Variants in ACBD5 observed in about 807,000 individuals in gnomAD.
ACBD5 encodes the protein acyl-CoA binding domain containing 5, also known as acyl-CoA-binding domain-containing protein 5.
ACBD5 carries 40 observed loss-of-function variants against 71.8 expected under a neutral mutation model. The ratio of observed to expected loss-of-function variants is 0.56; its 90% CI spans 0.43 to 0.72. The LOEUF is 0.72. Among genes scored for constraint, ACBD5 ranks in the 30% least tolerant of loss-of-function variants. ACBD5 has a pLI of 0.00. For synonymous variants in ACBD5, 229 were observed against 218.6 expected, an observed-to-expected ratio of 1.05 and a Z score of -0.42; for missense variants, 559 against 644.5, an observed-to-expected ratio of 0.87 and a Z score of 1.44.
chr10:27,197,329 T>C lies in ACBD5; in HGVS notation c.*101A>G. ...TAAACTACTGGACAACAAAAAGCAA[T>C]GTAATCATCACAAACTAAGATTTTC... On this transcript the variant is annotated 3_prime_UTR_variant, in exon 13 of 13. Coordinates refer to ENST00000396271, the MANE Select transcript of ACBD5 (RefSeq NM_145698.5). 4 of 1,129,500 alleles carry C rather than the reference T, an allele frequency of 3.5e-6. No individual in the cohort carries two copies. The highest frequency in any genetic ancestry group is 1.9e-4 in the Middle Eastern group (1 of 5,164). The allele number at this position is 1,129,500 out of a possible 1,614,324, so 70.0% of individuals were successfully genotyped here. A position where few individuals can be genotyped will look rare whatever the true frequency, so the allele number is the denominator to read the frequency against.
intron 4 of ACBD5, among the ~76,000 whole-genome samples, chr10:27,225,078 T>TTTCC (rs1554852665): frequency 8.3e-5 from 1 of 12,064 alleles, no homozygotes; most frequent in Non-Finnish European, 2.0e-4. Context: ...GCTCTCTTTC[T>TTTCC]TTTTTTTTTT....
In ACBD5 at chr10:27,218,076, C is replaced by A. The variant is rs772202583; in HGVS notation, c.733G>T (p.Ala245Ser). 3 of 1,614,130 alleles carry A rather than the reference C, an allele frequency of 1.9e-6. No homozygotes were observed. The highest frequency in any genetic ancestry group is 2.2e-5 in the South Asian group (2 of 91,086). The change falls in exon 7 of 13, where the codon GCC becomes TCC. Residue 245 changes from alanine (A) to serine (S), a missense_variant. Ala to Ser is a moderately conservative substitution (Grantham distance 99). Coordinates refer to ENST00000396271, the MANE Select transcript of ACBD5 (RefSeq NM_145698.5). ...FVQDIQNDIH[A>S]SSSLNGRSTE... ...CTTCTGCCATTCAGGGAAGAACTGG[C>A]ATGAATGTCATTCTGTATATCCTGA...
intron 4 of ACBD5, among the ~76,000 whole-genome samples, 153 bp downstream of exon 4, chr10:27,231,595 T>C (rs1002563711): frequency 3.9e-5 from 6 of 152,346 alleles, no homozygotes; most frequent in African/African-American, 1.2e-4. Flanking sequence ...TGAACTTTAA[T>C]GAAGCAGAAA....
downstream of ACBD5, among the ~76,000 whole-genome samples, chr10:27,194,639 T>TAAG (rs1320446753): frequency 8.2e-3 from 1,216 of 147,890 alleles, 18 homozygotes; most frequent in African/African-American, 0.029. Flanking sequence ...ATAATAATAA[T>TAAG]AATAATAATA....
In ACBD5 at chr10:27,240,739, C is replaced by T. The variant is rs1419277968; in HGVS notation, c.-51G>A. 1 of 1,550,180 alleles carries T rather than the reference C, an allele frequency of 6.5e-7. No individual in the cohort carries two copies. Among genetic ancestry groups the T allele is most frequent in the Non-Finnish European group, 8.7e-7 (1 of 1,146,900 alleles). On this transcript the variant is annotated 5_prime_UTR_variant, in exon 1 of 13. Transcript: ENST00000396271. The surrounding 1 kb of genome is among the most constrained non-coding windows in gnomAD (Gnocchi z 4.1). Reference sequence around the variant, plus strand: ...GGGCATCGGTGGCCGCGGAGCCGCTCTCCCACCCTGGGGACCCTGGCGGAG... The same window carrying T: ...GGGCATCGGTGGCCGCGGAGCCGCTTTCCCACCCTGGGGACCCTGGCGGAG...
At chr10:27,231,385 T>A (rs953648639) in intron 4 of ACBD5, among the ~76,000 whole-genome samples, 1 of 152,114 alleles carries the variant, frequency 6.6e-6, no homozygotes, top group Non-Finnish European at 1.5e-5. Context: ...GGTGTAGTGG[T>A]GTGCACCTGT....
At chr10:27,191,813 G>A (rs1267147595), downstream of ACBD5, among the ~76,000 whole-genome samples, 11 of 152,046 alleles carry the variant, frequency 7.2e-5, no homozygotes, top group African/African-American at 1.9e-4. Context: ...ACTTGAACCC[G>A]GGAGGCAGAG....
At chr10:27,189,630 G>A (rs540155323) in intron 13 of ACBD5, among the ~76,000 whole-genome samples, 2 of 137,800 alleles carry the variant, frequency 1.5e-5, no homozygotes, top group African/African-American at 2.7e-5. Context: ...TGTGGGGTGG[G>A]GGGGAGGGAT....
chr10:27,223,614 A>G (rs2062639943), intron 4 of ACBD5, among the ~76,000 whole-genome samples, 162 bp from the exon 5 acceptor site: 1 of 152,204 alleles, frequency 6.6e-6, no homozygotes, highest in Non-Finnish European at 1.5e-5. Flanking sequence ...TAATGTATAC[A>G]CACTGTGGCC....
intron 12 of ACBD5, among the ~76,000 whole-genome samples, chr10:27,200,647 TAG>T (rs1444363681): frequency 2.0e-5 from 3 of 152,016 alleles, no homozygotes; most frequent in African/African-American, 7.2e-5. Flanking sequence ...TTAGTAGAGA[TAG>T]AGTTTCACCA....
rs1274284771 is a variant in ACBD5 at position 27,240,494 on chromosome 10, G to A, written c.16-10C>T. 2.5e-6 allele frequency: 4 copies of A among 1,599,742 alleles called. No homozygotes were observed. The highest frequency in any genetic ancestry group is 2.3e-5 in the East Asian group (1 of 44,338). On this transcript the variant is annotated splice_polypyrimidine_tract_variant and intron_variant, in intron 1 of 12. Transcript: ENST00000396271. The surrounding 1 kb of genome is among the most constrained non-coding windows in gnomAD (Gnocchi z 4.1). The stretch of plus-strand genomic sequence containing the variant: ...AAGAGCCTGCATGAAACTGGAACAT[G>A]GAGCGCAGCCGCGGATCAACATGCC...
chr10:27,213,811 T>C (rs1448118370), intron 8 of ACBD5, among the ~76,000 whole-genome samples: 1 of 151,720 alleles, frequency 6.6e-6, no homozygotes. Context: ...GCAATTCCAC[T>C]GCTGGCTGTA....
At chr10:27,200,738 C>T (rs539857347) in intron 12 of ACBD5, among the ~76,000 whole-genome samples, 18 of 152,268 alleles carry the variant, frequency 1.2e-4, no homozygotes, top group East Asian at 1.2e-3. Flanking sequence ...GGATTACAGG[C>T]GTGAGCCACC....
chr10:27,222,460 C>T (rs766239632), intron 5 of ACBD5, among the ~76,000 whole-genome samples: 7 of 150,702 alleles, frequency 4.6e-5, no homozygotes, highest in Admixed American at 1.3e-4. Context: ...ATGCTTGAAC[C>T]AAAATAAAGA....
downstream of ACBD5, among the ~76,000 whole-genome samples, chr10:27,192,251 T>A (rs1345506986): frequency 6.6e-6 from 1 of 151,968 alleles, no homozygotes; most frequent in Admixed American, 6.6e-5. Context: ...TTGACACTTT[T>A]TTTTTAAGTC....
At position 27,196,758 on chromosome 10, in the gene ACBD5, T is replaced by C; in HGVS notation, c.*672A>G. 1 of 454,314 alleles carries C rather than the reference T, an allele frequency of 2.2e-6. No homozygotes were observed. The highest frequency in any genetic ancestry group is 4.4e-6 in the Non-Finnish European group (1 of 226,778). 28.1% of individuals were successfully genotyped at this position (454,314 alleles called of 1,614,324 possible). A position where few individuals can be genotyped will look rare whatever the true frequency, so the allele number is the denominator to read the frequency against. On this transcript the variant is annotated 3_prime_UTR_variant, in exon 13 of 13. Transcript: ENST00000396271. ...CCTACATGAAGCTCATTCTTCACCA[T>C]TTCCATCAGTGGGTTATGTCTAGCC...
intron 13 of ACBD5, among the ~76,000 whole-genome samples, chr10:27,184,516 G>C (rs1337372935): frequency 6.7e-6 from 1 of 148,880 alleles, no homozygotes; most frequent in Non-Finnish European, 1.5e-5. Context: ...ATATTGGTCA[G>C]ATTGCCATTA....
intron 4 of ACBD5, among the ~76,000 whole-genome samples, chr10:27,225,509 T>G (rs2062904890): frequency 1.3e-5 from 2 of 152,202 alleles, no homozygotes; most frequent in African/African-American, 4.8e-5. Context: ...TTTTACAGCT[T>G]GTAGTAAATT....
chr10:27,200,378 C>A (rs1564555722), intron 12 of ACBD5, among the ~76,000 whole-genome samples: 1 of 152,118 alleles, frequency 6.6e-6, no homozygotes, highest in Non-Finnish European at 1.5e-5. Context: ...ATAATCCACC[C>A]CTTGTTTAGA....
Sources: allele counts gnomAD v4.1 joint callset (sites outside exome capture counted in the v4.1 genomes callset), GRCh38; gene constraint gnomAD v4.1.1; non-coding constraint Gnocchi (gnomAD v3.1); transcripts MANE v1.5; gene names NCBI Gene and HGNC (gene_info 2026-07-23, HGNC 2026-07-21).